TMEM178B: variants seen among roughly 807,000 people sequenced by gnomAD.
TMEM178B encodes the protein transmembrane protein 178B.
In TMEM178B, 5 loss-of-function variants were observed where a neutral mutation model predicts 31.0. That is an observed-to-expected ratio of 0.16 (90% CI 0.08 to 0.34). The LOEUF (loss-of-function observed/expected upper bound fraction) is 0.34. Among genes scored for constraint, TMEM178B ranks in the 10% least tolerant of loss-of-function variants. TMEM178B has a pLI of 1.00. For missense variants in TMEM178B, 275 were observed against 400.3 expected (o/e 0.69, Z 2.67); for synonymous variants, 164 against 164.0 (o/e 1.00, Z 0.00).
chr7:141,507,050 G>A, the TMEM178B span, among the ~76,000 whole-genome samples: 11 of 152,212 alleles, frequency 7.2e-5, no homozygotes, highest in South Asian at 6.2e-4. Flanking sequence ...GGACTTGGGC[G>A]GCTCTACCCC....
chr7:141,300,822 C>T (rs904768902), intron 2 of TMEM178B, among the ~76,000 whole-genome samples: 3 of 152,152 alleles, frequency 2.0e-5, no homozygotes, highest in Admixed American at 6.6e-5. Context: ...TCCCATCCTT[C>T]CCTCTTTCCT....
At chr7:141,137,008 TATA>T (rs1164916747) in intron 1 of TMEM178B, among the ~76,000 whole-genome samples, 1 of 152,150 alleles carries the variant, frequency 6.6e-6, no homozygotes, top group Non-Finnish European at 1.5e-5. Flanking sequence ...GTGTGTGAAA[TATA>T]ATATCACCCC....
intron 1 of TMEM178B, among the ~76,000 whole-genome samples, chr7:141,208,729 TG>T (rs2129187361): frequency 6.6e-6 from 1 of 152,302 alleles, no homozygotes; most frequent in East Asian, 1.9e-4. Context: ...TCTGGCTGGC[TG>T]GGCTGCGGTT....
rs1802320957 is a variant in TMEM178B at position 141,474,482 on chromosome 7, T to G, written c.*3696T>G. 6.6e-6 allele frequency: 1 copy of G among 152,220 alleles called. No homozygotes were observed. Among genetic ancestry groups the G allele is most frequent in the Admixed American group, 6.5e-5 (1 of 15,282 alleles). The allele number at this position is 152,220 out of a possible 1,614,324, so 9.4% of individuals were successfully genotyped here. A position where few individuals can be genotyped will look rare whatever the true frequency, so the allele number is the denominator to read the frequency against. ...AAATAAAATCTGTGCCTGTTCCAGC[T>G]TCAATCCTCCTCCAAGCCTTAGCTT... On this transcript the variant is annotated 3_prime_UTR_variant, in exon 4 of 4. Coordinates refer to ENST00000565468, the MANE Select transcript of TMEM178B (RefSeq NM_001195278.2).
At chr7:141,163,670 A>G (rs1270466936) in intron 1 of TMEM178B, among the ~76,000 whole-genome samples, 1 of 151,910 alleles carries the variant, frequency 6.6e-6, no homozygotes, top group African/African-American at 2.4e-5. Context: ...GAGCGCCATC[A>G]AGCCTGGCTA....
intron 1 of TMEM178B, among the ~76,000 whole-genome samples, chr7:141,178,289 G>C (rs1796465201): frequency 1.3e-5 from 2 of 152,110 alleles, no homozygotes; most frequent in Admixed American, 1.3e-4. Context: ...ACATTTCTTA[G>C]CAGACTGGAT....
chr7:141,339,140 G>A (rs1419932794), intron 2 of TMEM178B, among the ~76,000 whole-genome samples: 5 of 152,146 alleles, frequency 3.3e-5, no homozygotes, highest in Admixed American at 6.5e-5. Flanking sequence ...ACCAGGTTGC[G>A]ATGGCTATAG....
At chr7:141,501,921 C>T in the TMEM178B span, among the ~76,000 whole-genome samples, 1 of 152,106 alleles carries the variant, frequency 6.6e-6, no homozygotes, top group Admixed American at 6.5e-5. Context: ...AACTAGGCTC[C>T]AGATGTAAAC....
chr7:141,369,316 CGT>C (rs55960871), intron 2 of TMEM178B, among the ~76,000 whole-genome samples: 18,314 of 138,184 alleles, frequency 0.13, 1,151 homozygotes, highest in African/African-American at 0.2. Context: ...TCCGCGCCGA[CGT>C]GTGTGTGTGT....
chr7:141,237,873 A>C (rs1797554447), intron 2 of TMEM178B, among the ~76,000 whole-genome samples: 1 of 152,050 alleles, frequency 6.6e-6, no homozygotes, highest in Non-Finnish European at 1.5e-5. Flanking sequence ...AAATACAAAA[A>C]TTAGCAGGGC....
At chr7:141,126,328 T>G (rs866250953) in intron 1 of TMEM178B, among the ~76,000 whole-genome samples, 1 of 152,004 alleles carries the variant, frequency 6.6e-6, no homozygotes, top group Non-Finnish European at 1.5e-5. Context: ...AATGGGAGAT[T>G]GGGCAGGAGA....
At chr7:141,484,567 T>A (rs1251842113), downstream of TMEM178B, among the ~76,000 whole-genome samples, 2 of 152,226 alleles carry the variant, frequency 1.3e-5, no homozygotes, top group South Asian at 2.1e-4. The surrounding 1 kb of genome is among the most constrained non-coding windows in gnomAD (Gnocchi z 4.8). Flanking sequence ...TGTTTGTTTG[T>A]TTGTTTGTTT....
At chr7:141,458,120 G>C (rs1801998114) in intron 3 of TMEM178B, among the ~76,000 whole-genome samples, 1 of 152,136 alleles carries the variant, frequency 6.6e-6, no homozygotes, top group Admixed American at 6.5e-5. Flanking sequence ...CTTTTTGTTT[G>C]TTTGTTGTTT....
intron 1 of TMEM178B, among the ~76,000 whole-genome samples, chr7:141,154,620 C>T (rs73167441): frequency 0.22 from 33,910 of 152,102 alleles, 5,083 homozygotes; most frequent in Non-Finnish European, 0.33. Context: ...CATGGAAAGG[C>T]GATGGGCCTG....
chr7:141,220,595 G>A (rs1014170954), intron 2 of TMEM178B, among the ~76,000 whole-genome samples: 11 of 152,164 alleles, frequency 7.2e-5, no homozygotes, highest in Admixed American at 5.2e-4. Context: ...AAACATCCAC[G>A]TCCTGAACAA....
chr7:141,237,860 C>T (rs1005872077), intron 2 of TMEM178B, among the ~76,000 whole-genome samples: 1 of 151,620 alleles, frequency 6.6e-6, no homozygotes, highest in South Asian at 2.1e-4. Context: ...CCCGTCTCTA[C>T]CAAAATACAA....
chr7:141,490,034 C>T, the TMEM178B span, among the ~76,000 whole-genome samples: 1 of 152,164 alleles, frequency 6.6e-6, no homozygotes, highest in Non-Finnish European at 1.5e-5. Context: ...CTCAAGCAAG[C>T]TGCTGTTGCC....
chr7:141,208,423 T>A (rs559035146), intron 1 of TMEM178B, among the ~76,000 whole-genome samples: 106 of 152,346 alleles, frequency 7.0e-4, no homozygotes, highest in Non-Finnish European at 1.1e-3. Flanking sequence ...GCAGCCCACA[T>A]TCTGGGCCTA....
At chr7:141,388,059 T>C (rs772721339) in intron 2 of TMEM178B, among the ~76,000 whole-genome samples, 26 of 152,178 alleles carry the variant, frequency 1.7e-4, no homozygotes, top group Non-Finnish European at 2.9e-4. Context: ...TTCCTGGGTG[T>C]GAGGTTGTGA....
Sources: gnomAD v4.1 joint callset for allele counts (sites outside exome capture counted in the v4.1 genomes callset) on GRCh38, gnomAD v4.1.1 for gene constraint, Gnocchi (gnomAD v3.1) non-coding constraint, MANE v1.5 for transcripts, NCBI Gene and HGNC (gene_info 2026-07-23, HGNC 2026-07-21) for gene names.